The following TTC28 variants were observed in gnomAD, a reference collection of about 807,000 sequenced individuals.
TTC28 encodes the protein tetratricopeptide repeat domain 28, also known as tetratricopeptide repeat protein 28.
TTC28 carries 61 observed loss-of-function variants against 198.0 expected under a neutral mutation model. The ratio of observed to expected loss-of-function variants is 0.31; its 90% CI spans 0.25 to 0.38. TTC28 has a LOEUF of 0.38. Ranked by LOEUF, TTC28 falls within the 10% of genes least tolerant of loss-of-function variation. The probability of loss-of-function intolerance (pLI) is 1.00; values close to 1 mark genes in which losing one functional copy is unlikely to be tolerated. For synonymous variants in TTC28, 1,171 were observed against 1,297.8 expected, an observed-to-expected ratio of 0.90 and a Z score of 2.10; for missense variants, 2,678 against 3,164.0, an observed-to-expected ratio of 0.85 and a Z score of 3.69.
At chr22:28,110,916 C>A (rs2146911445) in intron 6 of TTC28, among the ~76,000 whole-genome samples, 2 of 144,954 alleles carry the variant, frequency 1.4e-5, no homozygotes, top group Middle Eastern at 3.6e-3. Context: ...GCCTGGGTGA[C>A]AGAGTGAGAC....
chr22:28,087,745 T>C (rs1186105431), intron 12 of TTC28, among the ~76,000 whole-genome samples: 3 of 152,278 alleles, frequency 2.0e-5, no homozygotes, highest in South Asian at 4.1e-4. Context: ...GATGACATGA[T>C]TGTATATCTA....
At chr22:28,233,058 CA>C (rs1928938594) in intron 5 of TTC28, among the ~76,000 whole-genome samples, 1 of 151,670 alleles carries the variant, frequency 6.6e-6, no homozygotes, top group Admixed American at 6.6e-5. Flanking sequence ...GCTGAGATCA[CA>C]CCATTGCACT....
intron 12 of TTC28, among the ~76,000 whole-genome samples, chr22:28,066,304 G>GT (rs71803180): frequency 0.057 from 8,393 of 147,164 alleles, 304 homozygotes; most frequent in Non-Finnish European, 0.08. Context: ...GTGTGTGTGT[G>GT]GTGTGTGTGT....
intron 5 of TTC28, among the ~76,000 whole-genome samples, chr22:28,234,261 C>T (rs971444441): frequency 1.4e-4 from 21 of 152,144 alleles, no homozygotes; most frequent in Admixed American, 4.6e-4. Context: ...AGGCTGGTCT[C>T]GAACTCCTGA....
At chr22:28,501,346 A>G (rs937823831) in intron 2 of TTC28, among the ~76,000 whole-genome samples, 3 of 152,190 alleles carry the variant, frequency 2.0e-5, no homozygotes, top group African/African-American at 7.2e-5. Context: ...AAGGTGTTCC[A>G]GGCAAAGGAA....
intron 14 of TTC28, 55 bp from the exon 15 acceptor site, chr22:28,001,608 A>G: frequency 6.6e-6 from 10 of 1,525,684 alleles, no homozygotes; most frequent in Non-Finnish European, 8.8e-6. Context: ...CAGGGGTTTC[A>G]GGCACCAGGA....
intron 5 of TTC28, among the ~76,000 whole-genome samples, chr22:28,282,746 A>ACT (rs2044608640): frequency 6.6e-6 from 1 of 152,158 alleles, no homozygotes; most frequent in African/African-American, 2.4e-5. Flanking sequence ...AGTTGCTTCT[A>ACT]CTCTACATAT....
At chr22:28,475,182 G>T (rs190561551) in intron 2 of TTC28, among the ~76,000 whole-genome samples, 20 of 141,284 alleles carry the variant, frequency 1.4e-4, no homozygotes, top group East Asian at 2.0e-4. Flanking sequence ...AGAAAGAAAA[G>T]AAAAGAAAGA....
chr22:28,147,568 G>A (rs1351277200), intron 6 of TTC28, among the ~76,000 whole-genome samples: 5 of 152,136 alleles, frequency 3.3e-5, no homozygotes, highest in Non-Finnish European at 5.9e-5. Flanking sequence ...ACATAAAAGA[G>A]CACTGACTTT....
intron 14 of TTC28, among the ~76,000 whole-genome samples, chr22:28,012,370 C>T (rs1382822326): frequency 1.3e-5 from 2 of 152,084 alleles, no homozygotes; most frequent in Non-Finnish European, 2.9e-5. Context: ...AGGATGTGAT[C>T]GGATCCGGGA....
intron 2 of TTC28, among the ~76,000 whole-genome samples, chr22:28,351,189 A>G (rs1472246751): frequency 6.6e-6 from 1 of 152,132 alleles, no homozygotes; most frequent in Non-Finnish European, 1.5e-5. Context: ...CTCAAAGAAA[A>G]AAAAAAGAAA....
intron 2 of TTC28, among the ~76,000 whole-genome samples, chr22:28,559,419 C>T (rs117677601): frequency 6.6e-6 from 1 of 152,144 alleles, no homozygotes; most frequent in Non-Finnish European, 1.5e-5. Flanking sequence ...CAATCATTTA[C>T]GAAGTTAAAC....
intron 2 of TTC28, among the ~76,000 whole-genome samples, chr22:28,379,359 A>G (rs1316303336): frequency 6.6e-6 from 1 of 152,224 alleles, no homozygotes; most frequent in Non-Finnish European, 1.5e-5. Flanking sequence ...CACAATAACC[A>G]AAGGGTGGAG....
intron 11 of TTC28, among the ~76,000 whole-genome samples, chr22:28,095,222 G>A (rs1346603797): frequency 6.6e-6 from 1 of 152,108 alleles, no homozygotes; most frequent in African/African-American, 2.4e-5. Flanking sequence ...CATTAAAAAG[G>A]TCAGCGGTAA....
chr22:28,586,369 A>G (rs1015268830), intron 2 of TTC28, among the ~76,000 whole-genome samples: 6 of 152,062 alleles, frequency 3.9e-5, no homozygotes, highest in Non-Finnish European at 8.8e-5. Flanking sequence ...TACAAATAAA[A>G]GTAATAAAAT....
chr22:28,192,982 A>G (rs1320001484), intron 5 of TTC28, among the ~76,000 whole-genome samples: 2 of 152,182 alleles, frequency 1.3e-5, no homozygotes, highest in Admixed American at 6.5e-5. Context: ...TCCAAGACAC[A>G]TATTGTCAGA....
chr22:28,105,670 A>T lies in TTC28; in HGVS notation c.2916T>A (p.Asn972Lys). The change falls in exon 8 of 23, where the codon AAT (asparagine) becomes AAA (lysine). Residue 972 changes from asparagine to lysine, a missense_variant. By Grantham distance (94) the Asn-to-Lys change is moderately conservative (BLOSUM62 0). Transcript: ENST00000397906. ...ELGSLHSQLGNYEQAISCLER... is the reference protein window; with the variant it reads ...ELGSLHSQLGKYEQAISCLER... ...CAAGGCAGGAAATGGCTTGTTCGTA[A>T]TTCCCTAATTGGCTGTGCAGACTTC... is the stretch of plus-strand genomic sequence containing the variant. The T allele has an allele frequency of 6.4e-7, 1 of 1,551,848 alleles. No individual in the cohort carries two copies. Among genetic ancestry groups the T allele is most frequent in the Non-Finnish European group, 8.7e-7 (1 of 1,147,034 alleles).
chr22:28,174,873 G>A (rs1923011080), intron 5 of TTC28, among the ~76,000 whole-genome samples: 1 of 152,070 alleles, frequency 6.6e-6, no homozygotes, highest in Non-Finnish European at 1.5e-5. Flanking sequence ...GTTTAGGCCG[G>A]CATTGGAGTG....
chr22:28,363,405 C>T lies in TTC28; in HGVS notation c.382-56762G>A, dbSNP rs138315367. Among the ~76,000 whole-genome samples the T allele has an allele frequency of 3.5e-3, 533 of 152,312 alleles. 3 individuals are homozygous for T. The highest frequency in any genetic ancestry group is 0.012 in the African/African-American group (516 of 41,568). ...AGATTTTAGAGGATATATGGAAACA[C>T]CTGGATGCCCAGGCAGAAGTTTGCT... On this transcript the variant is annotated intron_variant, in intron 2 of 22. Coordinates refer to ENST00000397906, the MANE Select transcript of TTC28 (RefSeq NM_001145418.2).
Sources: allele counts gnomAD v4.1 joint callset (sites outside exome capture counted in the v4.1 genomes callset), GRCh38; gene constraint gnomAD v4.1.1; transcripts MANE v1.5; gene names NCBI Gene and HGNC (gene_info 2026-07-23, HGNC 2026-07-21).